The following BBS9 variants were observed in gnomAD, a reference collection of about 807,000 sequenced individuals.
The protein encoded by BBS9 is protein PTHB1.
A neutral mutation model predicts 117.7 loss-of-function variants in BBS9; 89 were observed. The observed-to-expected ratio is 0.76, with a 90% CI of 0.64 to 0.90. BBS9 has a LOEUF of 0.90. BBS9 is among the 40% of genes least tolerant of loss of function. The probability of loss-of-function intolerance (pLI) is 0.00; values close to 1 mark genes in which losing one functional copy is unlikely to be tolerated. For missense variants in BBS9, 982 were observed against 1,042.2 expected (o/e 0.94, Z 0.80); for synonymous variants, 379 against 370.9 (o/e 1.02, Z -0.25).
intron 4 of BBS9, among the ~76,000 whole-genome samples, chr7:33,165,084 A>G (rs1795454010): frequency 6.6e-6 from 1 of 152,076 alleles, no homozygotes; most frequent in Non-Finnish European, 1.5e-5. Context: ...TCCTTCACTT[A>G]TTAAGCTTAG....
chr7:33,206,324 G>A (rs1786915014), intron 5 of BBS9, among the ~76,000 whole-genome samples: 2 of 152,128 alleles, frequency 1.3e-5, no homozygotes, highest in African/African-American at 4.8e-5. Flanking sequence ...TCTAATTTAA[G>A]CCATTGTATT....
chr7:33,581,030 G>A (rs1047228148), intron 21 of BBS9, among the ~76,000 whole-genome samples: 1 of 152,078 alleles, frequency 6.6e-6, no homozygotes, highest in African/African-American at 2.4e-5. Flanking sequence ...GTCAGAGAAA[G>A]CCTTTGTCTA....
intron 1 of BBS9, among the ~76,000 whole-genome samples, chr7:33,140,890 A>G (rs1363323720): frequency 1.3e-5 from 2 of 152,186 alleles, no homozygotes; most frequent in Non-Finnish European, 2.9e-5. Flanking sequence ...ATCAACTCCC[A>G]GTGTTTATCT....
intron 9 of BBS9, among the ~76,000 whole-genome samples, chr7:33,301,378 A>G (rs1167053413): frequency 1.3e-5 from 2 of 151,936 alleles, no homozygotes; most frequent in African/African-American, 2.4e-5. Context: ...CATTCTTTCT[A>G]TTTTTTTAAA....
At chr7:33,435,777 G>A (rs574298718) in intron 19 of BBS9, among the ~76,000 whole-genome samples, 54 of 144,644 alleles carry the variant, frequency 3.7e-4, no homozygotes, top group African/African-American at 1.3e-3. Flanking sequence ...CCATTCAGTT[G>A]GTTCCAGGAG....
intron 19 of BBS9, among the ~76,000 whole-genome samples, chr7:33,460,268 A>G (rs1008538323): frequency 3.3e-5 from 5 of 152,088 alleles, no homozygotes; most frequent in African/African-American, 1.2e-4. Flanking sequence ...CTCTGTAGAA[A>G]TTTAAGGTTT....
intron 19 of BBS9, among the ~76,000 whole-genome samples, chr7:33,476,097 A>G (rs2128963594): frequency 6.6e-6 from 1 of 152,338 alleles, no homozygotes; most frequent in African/African-American, 2.4e-5. Flanking sequence ...GTAGTAAAAT[A>G]ATTTTTTTAC....
chr7:33,367,080 T>A (rs1411011104), intron 16 of BBS9, among the ~76,000 whole-genome samples: 1 of 152,224 alleles, frequency 6.6e-6, no homozygotes, highest in Non-Finnish European at 1.5e-5. Flanking sequence ...ATTTTGTTTC[T>A]TTCACACTTT....
At chr7:33,234,853 GTTCTTGGGAAA>G (rs1793181528) in intron 5 of BBS9, among the ~76,000 whole-genome samples, 1 of 152,030 alleles carries the variant, frequency 6.6e-6, no homozygotes, top group Non-Finnish European at 1.5e-5. Context: ...TGGAGAAAAA[GTTCTTGGGAAA>G]TACTGATTTT....
intron 21 of BBS9, among the ~76,000 whole-genome samples, chr7:33,631,373 C>G (rs1393713295): frequency 2.0e-5 from 3 of 152,180 alleles, no homozygotes; most frequent in African/African-American, 7.2e-5. Flanking sequence ...AGGCTCAGCT[C>G]TAGTGTCCCC....
intron 19 of BBS9, among the ~76,000 whole-genome samples, chr7:33,408,526 G>C (rs1830509114): frequency 6.6e-6 from 1 of 152,166 alleles, no homozygotes; most frequent in Non-Finnish European, 1.5e-5. Context: ...CCTGTCTTCT[G>C]CGTCGCTCAC....
chr7:33,280,911 G>GTTT (rs150736523), intron 9 of BBS9, among the ~76,000 whole-genome samples: 1 of 79,392 alleles, frequency 1.3e-5, no homozygotes, highest in African/African-American at 6.0e-5. Context: ...TGTCGTTTTT[G>GTTT]TTTTTTTTTT....
chr7:33,626,987 A>C (rs1865667007), intron 21 of BBS9, among the ~76,000 whole-genome samples: 1 of 152,250 alleles, frequency 6.6e-6, no homozygotes, highest in Non-Finnish European at 1.5e-5. Flanking sequence ...TGCATAAGTA[A>C]AGAGGAGCCA....
chr7:33,291,260 T>C (rs894823556), intron 9 of BBS9, among the ~76,000 whole-genome samples: 1 of 152,156 alleles, frequency 6.6e-6, no homozygotes, highest in African/African-American at 2.4e-5. Flanking sequence ...TTAACTCTTT[T>C]TTATTTCTTT....
At chr7:33,530,114 T>C (rs572376744) in intron 20 of BBS9, among the ~76,000 whole-genome samples, 1 of 152,352 alleles carries the variant, frequency 6.6e-6, no homozygotes, top group South Asian at 2.1e-4. Flanking sequence ...TGTATTTTTA[T>C]TTAACAAAAC....
chr7:33,467,568 CT>C (rs66818114), intron 19 of BBS9, among the ~76,000 whole-genome samples: 26,918 of 82,396 alleles, frequency 0.33, 2,752 homozygotes, highest in South Asian at 0.4. Context: ...AACCCCCCAA[CT>C]CCGCCACCTC....
chr7:33,532,807 C>G (rs563493500), intron 20 of BBS9, among the ~76,000 whole-genome samples: 9 of 152,324 alleles, frequency 5.9e-5, no homozygotes, highest in Non-Finnish European at 1.2e-4. Context: ...GATGAACCTT[C>G]TCTCTGAGTC....
At chr7:33,524,941 A>C (rs1321593268) in intron 20 of BBS9, among the ~76,000 whole-genome samples, 1 of 152,144 alleles carries the variant, frequency 6.6e-6, no homozygotes, top group Non-Finnish European at 1.5e-5. Context: ...AGATTCTGGT[A>C]TGTTGTGTCT....
chr7:33,291,334 A>G (rs978777344), intron 9 of BBS9, among the ~76,000 whole-genome samples: 45 of 152,174 alleles, frequency 3.0e-4, no homozygotes, highest in Non-Finnish European at 1.0e-4. Context: ...TAAAATCACA[A>G]TAATTTTTGT....
Sources: gnomAD v4.1 joint callset for allele counts (sites outside exome capture counted in the v4.1 genomes callset) on GRCh38, gnomAD v4.1.1 for gene constraint, MANE v1.5 for transcripts, NCBI Gene and HGNC (gene_info 2026-07-23, HGNC 2026-07-21) for gene names.